The following IPCEF1 variants were observed in gnomAD, a reference collection of about 807,000 sequenced individuals.
The protein encoded by IPCEF1 is interaction protein for cytohesin exchange factors 1.
In IPCEF1, 31 loss-of-function variants were observed where a neutral mutation model predicts 50.9. That is an observed-to-expected ratio of 0.61 (90% CI 0.46 to 0.82). The LOEUF is 0.82. Ranked by LOEUF, IPCEF1 falls within the 40% of genes least tolerant of loss-of-function variation. IPCEF1 has a pLI of 0.00. For missense variants in IPCEF1, 458 were observed against 514.0 expected (o/e 0.89, Z 1.05); for synonymous variants, 181 against 192.0 (o/e 0.94, Z 0.47).
At chr6:154,309,258 C>T (rs1295847693) in intron 1 of IPCEF1, among the ~76,000 whole-genome samples, 2 of 152,136 alleles carry the variant, frequency 1.3e-5, no homozygotes, top group Non-Finnish European at 2.9e-5. Context: ...CATTCACAGC[C>T]TTTATCAATA....
At chr6:154,270,924 C>T (rs1019649932) in intron 2 of IPCEF1, among the ~76,000 whole-genome samples, 2 of 151,962 alleles carry the variant, frequency 1.3e-5, no homozygotes. Context: ...TGCAGTGAGC[C>T]GAAATTGTGC....
chr6:154,298,403 C>A (rs1422521561), intron 1 of IPCEF1, among the ~76,000 whole-genome samples: 4 of 152,176 alleles, frequency 2.6e-5, no homozygotes, highest in African/African-American at 9.6e-5. Context: ...TAGAGAACCT[C>A]TTAATCAAAA....
rs112239332 is a variant in IPCEF1 at position 154,281,657 on chromosome 6, C to G, written c.-18+8056G>C. On this transcript the variant is annotated intron_variant, in intron 2 of 11. Transcript: ENST00000367220. ...CAGGTGATAACTTGAGGCCAGGGTA[C>G]GAGATCAGCCTGGTCAGCATGGTGA... Among the ~76,000 whole-genome samples the G allele has an allele frequency of 8.0e-3, 1,209 of 152,012 alleles. 23 individuals are homozygous for G. The highest frequency in any genetic ancestry group is 0.028 in the African/African-American group (1,161 of 41,470).
chr6:154,236,435 A>G (rs1017780334), intron 5 of IPCEF1, among the ~76,000 whole-genome samples: 15 of 152,232 alleles, frequency 9.9e-5, no homozygotes, highest in Admixed American at 2.0e-4. Flanking sequence ...ACAGAGTCTC[A>G]GTTTTGCAAG....
intron 7 of IPCEF1, among the ~76,000 whole-genome samples, chr6:154,215,346 T>C (rs1411731123): frequency 6.6e-6 from 1 of 152,170 alleles, no homozygotes; most frequent in Non-Finnish European, 1.5e-5. Context: ...CGGTGGTTCA[T>C]GCCTCCCAGC....
At chr6:154,243,891 G>C (rs983215054) in intron 5 of IPCEF1, among the ~76,000 whole-genome samples, 3 of 152,104 alleles carry the variant, frequency 2.0e-5, no homozygotes, top group Admixed American at 2.0e-4. Flanking sequence ...GTGATTTTGA[G>C]GAGTAAATGA....
Position 154,246,627 on chromosome 6 carries a change from C to T in IPCEF1, c.210G>A (p.Leu70=). ...SNKWKKFWVI[L]KGSSLYWYSN... The stretch of plus-strand genomic sequence containing the variant: ...TATACCAGTACAGTGACGACCCCTT[C>T]AGTATCACCCAGAACTTTTTCCATT... The change falls in exon 5 of 12, where the codon CTG becomes CTA. Residue 70 remains leucine, a synonymous_variant. Transcript: ENST00000367220. 1.2e-6 allele frequency: 2 copies of T among 1,613,998 alleles called. No individual in the cohort carries two copies. Among genetic ancestry groups the T allele is most frequent in the East Asian group, 2.2e-5 (1 of 44,882 alleles).
intron 9 of IPCEF1, among the ~76,000 whole-genome samples, chr6:154,205,297 G>T (rs1056671850): frequency 4.6e-5 from 7 of 152,028 alleles, no homozygotes; most frequent in African/African-American, 1.7e-4. Context: ...AATAAAAACA[G>T]CTTTATTAAA....
At chr6:154,276,766 A>T (rs778550302) in intron 2 of IPCEF1, among the ~76,000 whole-genome samples, 14 of 152,216 alleles carry the variant, frequency 9.2e-5, no homozygotes, top group Non-Finnish European at 1.9e-4. Context: ...ATCTCATTAC[A>T]TTCTTAGAGA....
At chr6:154,315,505 A>G (rs1783193654) in intron 1 of IPCEF1, among the ~76,000 whole-genome samples, 1 of 152,196 alleles carries the variant, frequency 6.6e-6, no homozygotes, top group Non-Finnish European at 1.5e-5. Flanking sequence ...CTTATTTTGA[A>G]CATAGTTATA....
intron 11 of IPCEF1, among the ~76,000 whole-genome samples, chr6:154,167,503 C>T (rs1015313165): frequency 2.0e-5 from 3 of 152,168 alleles, no homozygotes; most frequent in Admixed American, 2.0e-4. Flanking sequence ...GACTGGTACC[C>T]TTGTATGAAT....
chr6:154,162,662 G>A (rs1432446086), intron 11 of IPCEF1, among the ~76,000 whole-genome samples: 2 of 151,874 alleles, frequency 1.3e-5, no homozygotes, highest in East Asian at 3.9e-4. Flanking sequence ...CTTCTCACTG[G>A]AGTGTTCTAA....
At chr6:154,296,266 G>A (rs1462175999) in intron 1 of IPCEF1, among the ~76,000 whole-genome samples, 1 of 152,288 alleles carries the variant, frequency 6.6e-6, no homozygotes, top group Admixed American at 6.5e-5. Context: ...GAACACCAGA[G>A]GCAGGGGAAG....
At chr6:154,338,609 G>C (rs1783838795) in intron 1 of IPCEF1, among the ~76,000 whole-genome samples, 1 of 152,192 alleles carries the variant, frequency 6.6e-6, no homozygotes, top group South Asian at 2.1e-4. Context: ...CCTCATAACT[G>C]TGGGCTGATA....
At chr6:154,223,608 A>G (rs1185062792) in intron 5 of IPCEF1, among the ~76,000 whole-genome samples, 1 of 152,212 alleles carries the variant, frequency 6.6e-6, no homozygotes, top group Non-Finnish European at 1.5e-5. Flanking sequence ...TTCTATTCCT[A>G]CGACTCTAGT....
intron 9 of IPCEF1, among the ~76,000 whole-genome samples, chr6:154,206,605 G>GA (rs35147492): frequency 6.6e-6 from 1 of 151,918 alleles, no homozygotes; most frequent in South Asian, 2.1e-4. Flanking sequence ...ATAACAACAT[G>GA]AAAAAAATCA....
intron 1 of IPCEF1, among the ~76,000 whole-genome samples, chr6:154,300,560 A>G (rs1004248819): frequency 1.2e-4 from 19 of 152,134 alleles, no homozygotes; most frequent in Non-Finnish European, 4.4e-5. Flanking sequence ...GATACATTGA[A>G]CTATGATGAC....
At chr6:154,276,672 A>T (rs1782071316) in intron 2 of IPCEF1, among the ~76,000 whole-genome samples, 1 of 152,234 alleles carries the variant, frequency 6.6e-6, no homozygotes, top group East Asian at 1.9e-4. Flanking sequence ...CCCTATGGTC[A>T]TCAGCAGTGC....
intron 10 of IPCEF1, among the ~76,000 whole-genome samples, chr6:154,179,029 G>A (rs17085137): frequency 0.019 from 2,854 of 152,294 alleles, 78 homozygotes; most frequent in African/African-American, 0.064. Flanking sequence ...GGGATGCACT[G>A]TGCCCCAGGT....
Sources: allele counts gnomAD v4.1 joint callset (sites outside exome capture counted in the v4.1 genomes callset), GRCh38; gene constraint gnomAD v4.1.1; transcripts MANE v1.5; gene names NCBI Gene and HGNC (gene_info 2026-07-23, HGNC 2026-07-21).